The following HECW2 variants were observed in gnomAD, a reference collection of about 807,000 sequenced individuals.
HECW2 encodes E3 ubiquitin-protein ligase HECW2.
In HECW2, 61 loss-of-function variants were observed where a neutral mutation model predicts 175.2. That is an observed-to-expected ratio of 0.35 (90% confidence interval 0.28 to 0.43). The LOEUF (loss-of-function observed/expected upper bound fraction) is 0.43. Ranked by LOEUF, HECW2 falls within the 20% of genes least tolerant of loss-of-function variation. The pLI is 1.00. For synonymous variants in HECW2, 671 were observed against 731.0 expected (o/e 0.92, Z 1.32); for missense variants, 1,524 against 2,000.5 (o/e 0.76, Z 4.54).
chr2:196,208,047 C>A (rs144402495), intron 28 of HECW2, among the ~76,000 whole-genome samples: 1 of 152,320 alleles, frequency 6.6e-6, no homozygotes, highest in East Asian at 1.9e-4. Flanking sequence ...GGAATGGAAA[C>A]CCCTGTAAGT....
At chr2:196,372,032 A>C (rs1038847310) in intron 2 of HECW2, among the ~76,000 whole-genome samples, 2 of 152,224 alleles carry the variant, frequency 1.3e-5, no homozygotes, top group Non-Finnish European at 2.9e-5. Flanking sequence ...CTTGAGTCTT[A>C]ACATTTGAGG....
chr2:196,429,708 T>C (rs1221687365), intron 2 of HECW2, among the ~76,000 whole-genome samples: 1 of 152,174 alleles, frequency 6.6e-6, no homozygotes, highest in African/African-American at 2.4e-5. Flanking sequence ...GAGGACAATT[T>C]CCTGAGTGTA....
chr2:196,557,755 A>G (rs897706390), intron 1 of HECW2, among the ~76,000 whole-genome samples: 5 of 152,214 alleles, frequency 3.3e-5, no homozygotes, highest in Non-Finnish European at 5.9e-5. Flanking sequence ...AACTACTACA[A>G]TTTTGATTTG....
At chr2:196,340,238 A>G (rs1692697877) in intron 3 of HECW2, among the ~76,000 whole-genome samples, 1 of 152,212 alleles carries the variant, frequency 6.6e-6, no homozygotes, top group African/African-American at 2.4e-5. Context: ...AATCAGCTCC[A>G]GAGATTCAAC....
chr2:196,450,615 A>G (rs572392327), intron 1 of HECW2, among the ~76,000 whole-genome samples: 10 of 151,138 alleles, frequency 6.6e-5, no homozygotes, highest in Admixed American at 1.3e-4. Flanking sequence ...CCAAGTAGCT[A>G]GGATTACAGG....
At chr2:196,438,522 T>C (rs943972396) in intron 1 of HECW2, among the ~76,000 whole-genome samples, 21 of 152,326 alleles carry the variant, frequency 1.4e-4, no homozygotes, top group African/African-American at 3.6e-4. Context: ...CACAGCTACA[T>C]ACAGGACCGG....
At chr2:196,512,731 C>T (rs1687998260) in intron 1 of HECW2, among the ~76,000 whole-genome samples, 1 of 151,942 alleles carries the variant, frequency 6.6e-6, no homozygotes, top group South Asian at 2.1e-4. Context: ...GCTCTGTCAC[C>T]CAGGCTGCAG....
intron 2 of HECW2, among the ~76,000 whole-genome samples, chr2:196,417,142 A>G (rs1695276764): frequency 6.6e-6 from 1 of 152,258 alleles, no homozygotes; most frequent in South Asian, 2.1e-4. Context: ...ATGATCATTA[A>G]TTTTAATTCT....
chr2:196,519,113 T>G (rs907338931), intron 1 of HECW2, among the ~76,000 whole-genome samples: 2 of 152,220 alleles, frequency 1.3e-5, no homozygotes, highest in Admixed American at 6.5e-5. Context: ...TCAGCTCATG[T>G]CACCTTCAGC....
chr2:196,542,344 T>C (rs571388674), intron 1 of HECW2, among the ~76,000 whole-genome samples: 16 of 150,272 alleles, frequency 1.1e-4, no homozygotes, highest in East Asian at 3.9e-4. Context: ...AGAACTAGAA[T>C]TGAAACCACA....
chr2:196,278,434 A>C, intron 15 of HECW2, 94 bp downstream of exon 15: 1 of 1,426,312 alleles, frequency 7.0e-7, no homozygotes, highest in Non-Finnish European at 9.5e-7. Flanking sequence ...AAAAAAGAAA[A>C]AATGCTTTAA....
chr2:196,386,333 C>T (rs1252892579), intron 2 of HECW2, among the ~76,000 whole-genome samples: 3 of 152,066 alleles, frequency 2.0e-5, no homozygotes, highest in East Asian at 1.9e-4. Flanking sequence ...CATAGTAGGC[C>T]TCATTCAGAA....
intron 17 of HECW2, among the ~76,000 whole-genome samples, chr2:196,265,342 G>A (rs1480753104): frequency 5.3e-5 from 8 of 152,178 alleles, no homozygotes; most frequent in South Asian, 2.1e-4. Flanking sequence ...AAAATTAGCC[G>A]GGCATGGTAG....
chr2:196,306,054 G>A (rs1235644459), intron 13 of HECW2, among the ~76,000 whole-genome samples: 2 of 152,146 alleles, frequency 1.3e-5, no homozygotes. Context: ...GATGGGGGCA[G>A]GAGGTGACCT....
intron 1 of HECW2, among the ~76,000 whole-genome samples, chr2:196,549,494 C>T (rs1438073511): frequency 2.0e-5 from 3 of 151,992 alleles, no homozygotes; most frequent in Non-Finnish European, 4.4e-5. Flanking sequence ...AAGATTCATC[C>T]ATGTAATTAC....
intron 1 of HECW2, among the ~76,000 whole-genome samples, chr2:196,481,568 T>G (rs951139486): frequency 2.6e-5 from 4 of 152,230 alleles, no homozygotes; most frequent in Non-Finnish European, 1.5e-5. Context: ...CCCTCAGGCT[T>G]GCAAGCTCAA....
chr2:196,323,165 T>C (rs1213033428), intron 6 of HECW2, among the ~76,000 whole-genome samples: 1 of 152,214 alleles, frequency 6.6e-6, no homozygotes, highest in East Asian at 1.9e-4. Flanking sequence ...AATTTTTCCT[T>C]AAGTTTAAAA....
chr2:196,476,748 T>A (rs1167647055), intron 1 of HECW2, among the ~76,000 whole-genome samples: 1 of 152,004 alleles, frequency 6.6e-6, no homozygotes, highest in East Asian at 1.9e-4. Flanking sequence ...TGGTTACTGA[T>A]AAATTCAGAA....
At chr2:196,483,832 A>G (rs1390064011) in intron 1 of HECW2, among the ~76,000 whole-genome samples, 1 of 152,236 alleles carries the variant, frequency 6.6e-6, no homozygotes, top group African/African-American at 2.4e-5. Flanking sequence ...AGACTTTAAA[A>G]ATACATCAGC....
Sources: gnomAD v4.1 joint callset for allele counts (sites outside exome capture counted in the v4.1 genomes callset) on GRCh38, gnomAD v4.1.1 for gene constraint, MANE v1.5 for transcripts, NCBI Gene and HGNC (gene_info 2026-07-23, HGNC 2026-07-21) for gene names.